OR11A1: variants seen among roughly 807,000 people sequenced by gnomAD.
OR11A1 encodes the protein olfactory receptor family 11 subfamily A member 1.
For synonymous variants in OR11A1, 158 were observed against 152.2 expected, an observed-to-expected ratio of 1.04 and a Z score of -0.28; for missense variants, 380 against 378.2, an observed-to-expected ratio of 1.00 and a Z score of -0.04.
At chr6:29,443,219 C>G (rs954741527) in intron 1 of OR11A1, among the ~76,000 whole-genome samples, 1 of 152,136 alleles carries the variant, frequency 6.6e-6, no homozygotes, top group Non-Finnish European at 1.5e-5. Context: ...GGCGCAATCA[C>G]GAAATGAACA....
chr6:29,443,280 C>T (rs1474165849), intron 1 of OR11A1, among the ~76,000 whole-genome samples: 1 of 152,108 alleles, frequency 6.6e-6, no homozygotes, highest in African/African-American at 2.4e-5. Context: ...TCTCTTTCAC[C>T]CCTCCCTGCA....
chr6:29,438,967 A>G (rs1398352166), intron 1 of OR11A1, among the ~76,000 whole-genome samples: 11 of 152,244 alleles, frequency 7.2e-5, no homozygotes, highest in Admixed American at 7.2e-4. Context: ...GGGCTCTTCA[A>G]CTGCAAAAGG....
chr6:29,440,169 G>T (rs1197650288), intron 1 of OR11A1: 1 of 1,613,668 alleles, frequency 6.2e-7, no homozygotes, highest in Non-Finnish European at 8.5e-7. Context: ...CTCCACTGAT[G>T]CTGCCCTCCA....
chr6:29,445,897 T>C (rs1784719442), intron 1 of OR11A1, among the ~76,000 whole-genome samples: 1 of 151,628 alleles, frequency 6.6e-6, no homozygotes, highest in African/African-American at 2.4e-5. Context: ...GAAGAGGAAA[T>C]ATTGTAGAAG....
In OR11A1 at chr6:29,453,196, TATAAA is replaced by T. The variant is rs1204993407; in HGVS notation, c.-389+3786_-389+3790del. 6.7e-6 allele frequency among the ~76,000 whole-genome samples: 1 copy of T among 148,496 alleles called. No individual in the cohort carries two copies. The highest frequency in any genetic ancestry group is 1.5e-5 in the Non-Finnish European group (1 of 67,162). ...TATAAATTATGAAATAAATAATAAA[TATAAA>T]TTAATATATATACATTAAAAATAAA... On this transcript the variant is annotated intron_variant, in intron 1 of 4. Transcript: ENST00000377149. The surrounding 1 kb of genome is among the most constrained non-coding windows in gnomAD (Gnocchi z 4.5).
At position 29,453,588 on chromosome 6, in the gene OR11A1, A is replaced by G. The variant is rs1399178818; in HGVS notation, c.-389+3399T>C. ...TAGGGTTTATGTCAGTAAAAGTAACAAACTCAATCGTGTTTAAGGCTCAGG... is the reference window on the plus strand; with the variant it reads ...TAGGGTTTATGTCAGTAAAAGTAACGAACTCAATCGTGTTTAAGGCTCAGG... On this transcript the variant is annotated intron_variant, in intron 1 of 4. Transcript: ENST00000377149. The surrounding 1 kb of genome is among the most constrained non-coding windows in gnomAD (Gnocchi z 4.5). Among the ~76,000 whole-genome samples, 1 of 152,186 alleles carries G rather than the reference A, an allele frequency of 6.6e-6. No individual in the cohort carries two copies. Among genetic ancestry groups the G allele is most frequent in the Non-Finnish European group, 1.5e-5 (1 of 68,026 alleles).
At chr6:29,449,444 C>G (rs1292673551) in intron 1 of OR11A1, among the ~76,000 whole-genome samples, 1 of 152,136 alleles carries the variant, frequency 6.6e-6, no homozygotes, top group African/African-American at 2.4e-5. Context: ...CCAGAAGTTT[C>G]TAATCTCTAC....
intron 1 of OR11A1, chr6:29,440,293 G>T: frequency 3.7e-6 from 6 of 1,613,990 alleles, no homozygotes; most frequent in Non-Finnish European, 5.1e-6. Context: ...CACATCTCTC[G>T]CTCTGGATGT....
chr6:29,455,781 C>A (rs763195902), intron 1 of OR11A1, among the ~76,000 whole-genome samples: 19 of 143,730 alleles, frequency 1.3e-4, no homozygotes, highest in Non-Finnish European at 2.5e-4. Flanking sequence ...GAGGCTGGGG[C>A]AGGAGTATCG....
At position 29,430,348 on chromosome 6, in the gene OR11A1, A is replaced by G. The variant is rs1181025650; in HGVS notation, c.-187T>C. ...CTTGTGAGTGAATCTGGCACTCCCT[A>G]TGTGGGCCATCTTTAACTCTAGATT... On this transcript the variant is annotated 5_prime_UTR_variant, in exon 3 of 5. Transcript: ENST00000377149. 2.0e-6 allele frequency: 2 copies of G among 985,372 alleles called. No individual in the cohort carries two copies. Among genetic ancestry groups the G allele is most frequent in the Non-Finnish European group, 2.4e-6 (2 of 829,906 alleles). 61.0% of individuals were successfully genotyped at this position (985,372 alleles called of 1,614,324 possible).
chr6:29,432,062 C>G, intron 1 of OR11A1, 75 bp from the exon 2 acceptor site: 1 of 915,806 alleles, frequency 1.1e-6, no homozygotes, highest in Non-Finnish European at 1.3e-6. Context: ...TCTCTTCCAC[C>G]CTCCATCCCC....
At chr6:29,446,734 G>GA (rs1784814364) in intron 1 of OR11A1, among the ~76,000 whole-genome samples, 1 of 152,078 alleles carries the variant, frequency 6.6e-6, no homozygotes, top group African/African-American at 2.4e-5. Context: ...CAGCATGCCT[G>GA]AAAAAAACAT....
At chr6:29,440,388 A>G (rs765839652) in intron 1 of OR11A1, 4 of 1,614,052 alleles carry the variant, frequency 2.5e-6, no homozygotes, top group East Asian at 4.5e-5. Context: ...CTATGCAGCC[A>G]TCTGTGAACC....
intron 1 of OR11A1, among the ~76,000 whole-genome samples, chr6:29,446,132 C>T (rs377678965): frequency 1.8e-4 from 28 of 152,114 alleles, no homozygotes; most frequent in Non-Finnish European, 3.5e-4. Flanking sequence ...TTTGGCTAAC[C>T]CTTTACACTT....
rs542565955 is a variant in OR11A1 at position 29,441,049 on chromosome 6, G to T, written c.-388-9062C>A. On this transcript the variant is annotated intron_variant, in intron 1 of 4. Transcript: ENST00000377149. ...CCCTTAAGGTCTTTCTTCACATTAG[G>T]GGAGGGCCAGCCTGTCAGAAAGACA... 2.4e-5 allele frequency: 19 copies of T among 801,634 alleles called. No homozygotes were observed. In the African/African-American group the frequency reaches 3.3e-4, roughly 14 times the overall value. 49.7% of individuals were successfully genotyped at this position (801,634 alleles called of 1,614,324 possible).
intron 1 of OR11A1, among the ~76,000 whole-genome samples, chr6:29,445,599 G>A (rs528983371): frequency 6.6e-6 from 1 of 152,186 alleles, no homozygotes; most frequent in Non-Finnish European, 1.5e-5. Flanking sequence ...CCCTGCATCA[G>A]CTCCTCCTGT....
At chr6:29,451,146 C>T (rs1158046194) in intron 1 of OR11A1, among the ~76,000 whole-genome samples, 2 of 152,126 alleles carry the variant, frequency 1.3e-5, no homozygotes, top group African/African-American at 2.4e-5. Flanking sequence ...ACTGGCTAGC[C>T]GTATTAGGAA....
chr6:29,440,471 G>A (rs1429223376), intron 1 of OR11A1: 2 of 1,613,768 alleles, frequency 1.2e-6, no homozygotes, highest in Admixed American at 3.3e-5. Flanking sequence ...CCTGTGGGGT[G>A]CTGGTGGGGC....
intron 1 of OR11A1, chr6:29,439,432 T>G (rs1783909631): frequency 6.6e-6 from 1 of 152,388 alleles, no homozygotes; most frequent in African/African-American, 2.4e-5. Flanking sequence ...GAGAGGATCT[T>G]TCTCATTTTT....
Sources: gnomAD v4.1 joint callset for allele counts (sites outside exome capture counted in the v4.1 genomes callset) on GRCh38, gnomAD v4.1.1 for gene constraint, Gnocchi (gnomAD v3.1) non-coding constraint, MANE v1.5 for transcripts, NCBI Gene and HGNC (gene_info 2026-07-23, HGNC 2026-07-21) for gene names.